STPG2: variants seen among roughly 807,000 people sequenced by gnomAD.
The protein encoded by STPG2 is sperm tail PG-rich repeat containing 2.
In STPG2, 56 loss-of-function variants were observed where a neutral mutation model predicts 54.2. The observed-to-expected ratio is 1.03, with a 90% CI of 0.83 to 1.29. The LOEUF (loss-of-function observed/expected upper bound fraction) is 1.29, where lower values mean the gene tolerates loss of function less well. STPG2 is among the 50% of genes most tolerant of loss of function. STPG2 has a pLI of 0.00. For synonymous variants in STPG2, 200 were observed against 181.8 expected (o/e 1.10, Z -0.81); for missense variants, 596 against 544.9 (o/e 1.09, Z -0.93).
chr4:97,743,977 G>C (rs925902268), intron 9 of STPG2, among the ~76,000 whole-genome samples: 8 of 151,294 alleles, frequency 5.3e-5, no homozygotes, highest in African/African-American at 1.9e-4. Context: ...GAATACAGAG[G>C]GAATGAAGAA....
At chr4:98,017,634 T>C (rs893399999) in intron 5 of STPG2, among the ~76,000 whole-genome samples, 1 of 152,186 alleles carries the variant, frequency 6.6e-6, no homozygotes, top group African/African-American at 2.4e-5. Context: ...CCTTAGCGCT[T>C]GTGAACATAT....
At chr4:97,680,402 G>T (rs570586812) in intron 10 of STPG2, among the ~76,000 whole-genome samples, 4 of 151,986 alleles carry the variant, frequency 2.6e-5, no homozygotes, top group Non-Finnish European at 5.9e-5. Context: ...GTGAATGGGA[G>T]TTCACTCATG....
chr4:97,636,336 A>G (rs1348504343), intron 10 of STPG2, among the ~76,000 whole-genome samples: 1 of 143,754 alleles, frequency 7.0e-6, no homozygotes, highest in African/African-American at 2.5e-5. Flanking sequence ...GGACACATTC[A>G]AAGCAGTGTG....
intron 9 of STPG2, among the ~76,000 whole-genome samples, chr4:97,799,061 T>C (rs1400853398): frequency 7.9e-6 from 1 of 126,106 alleles, no homozygotes; most frequent in Non-Finnish European, 1.6e-5. Context: ...TCCCTTTATT[T>C]TGAGCCTCTG....
intron 8 of STPG2, among the ~76,000 whole-genome samples, chr4:97,903,123 A>C (rs1201702914): frequency 6.6e-6 from 1 of 152,206 alleles, no homozygotes; most frequent in Non-Finnish European, 1.5e-5. Context: ...AAATGAATAT[A>C]TTCTGGACAC....
intron 4 of STPG2, among the ~76,000 whole-genome samples, chr4:97,511,826 C>G (rs185789899): frequency 6.6e-6 from 1 of 151,670 alleles, no homozygotes; most frequent in Admixed American, 6.6e-5. Context: ...TGTTTGTGAG[C>G]TGGTACGATT....
At chr4:97,919,578 A>C (rs1421348023) in intron 8 of STPG2, among the ~76,000 whole-genome samples, 2 of 152,076 alleles carry the variant, frequency 1.3e-5, no homozygotes, top group Non-Finnish European at 2.9e-5. Context: ...CAATTTGAAA[A>C]ATGGATATAT....
chr4:97,462,178 G>A (rs566464423), intron 4 of STPG2, among the ~76,000 whole-genome samples: 10 of 151,910 alleles, frequency 6.6e-5, no homozygotes, highest in African/African-American at 2.4e-4. Context: ...AGTTGAATGA[G>A]CACTGGTTAT....
chr4:97,514,271 G>A (rs534544624), intron 4 of STPG2, among the ~76,000 whole-genome samples: 118 of 152,178 alleles, frequency 7.8e-4, no homozygotes, highest in African/African-American at 2.8e-3. Context: ...GTAAGCAGCT[G>A]GAGAGATTAC....
At chr4:97,801,537 T>A (rs1727398967) in intron 9 of STPG2, among the ~76,000 whole-genome samples, 1 of 152,176 alleles carries the variant, frequency 6.6e-6, no homozygotes, top group Non-Finnish European at 1.5e-5. Flanking sequence ...CTATGGTGAG[T>A]ATGCAAACCA....
chr4:97,994,732 C>G (rs1735147832), intron 5 of STPG2, among the ~76,000 whole-genome samples: 1 of 152,032 alleles, frequency 6.6e-6, no homozygotes, highest in Non-Finnish European at 1.5e-5. Flanking sequence ...CTGTGAGGGT[C>G]CTTGATTGTA....
chr4:97,930,111 A>T (rs1219636678), intron 8 of STPG2, among the ~76,000 whole-genome samples: 1 of 151,954 alleles, frequency 6.6e-6, no homozygotes, highest in Non-Finnish European at 1.5e-5. Flanking sequence ...GTTGGCCAGG[A>T]TGGTCTCAAT....
At chr4:97,674,038 T>G (rs1421374975) in intron 10 of STPG2, among the ~76,000 whole-genome samples, 1 of 152,188 alleles carries the variant, frequency 6.6e-6, no homozygotes, top group Non-Finnish European at 1.5e-5. Context: ...CCTTCAAGTC[T>G]AGACTGAAAT....
intron 9 of STPG2, among the ~76,000 whole-genome samples, chr4:97,721,108 T>G (rs1341837807): frequency 6.6e-6 from 1 of 152,060 alleles, no homozygotes; most frequent in Non-Finnish European, 1.5e-5. Context: ...ATCTTTCAAC[T>G]GCAAGGAACA....
intron 9 of STPG2, among the ~76,000 whole-genome samples, chr4:97,831,341 T>C (rs1490823127): frequency 6.6e-6 from 1 of 151,894 alleles, no homozygotes; most frequent in African/African-American, 2.4e-5. Context: ...AAAAACACAA[T>C]GTAGTAGAAT....
chr4:97,862,396 C>G (rs1395019566), intron 8 of STPG2, among the ~76,000 whole-genome samples: 1 of 152,112 alleles, frequency 6.6e-6, no homozygotes, highest in African/African-American at 2.4e-5. Context: ...GAAGAACTAA[C>G]TATCTTAAAT....
chr4:97,896,919 A>C (rs1730976667), intron 8 of STPG2, among the ~76,000 whole-genome samples: 1 of 151,716 alleles, frequency 6.6e-6, no homozygotes, highest in South Asian at 2.1e-4. Context: ...TTTAACTTTT[A>C]TTTTAAGTTC....
intron 5 of STPG2, chr4:98,026,218 A>G: frequency 8.9e-7 from 1 of 1,123,282 alleles, no homozygotes; most frequent in Non-Finnish European, 1.3e-6. Flanking sequence ...GGGTAGCTCA[A>G]AAGAAAGCAA....
intron 9 of STPG2, among the ~76,000 whole-genome samples, chr4:97,743,888 T>A (rs1725343893): frequency 6.6e-6 from 1 of 151,436 alleles, no homozygotes; most frequent in South Asian, 2.1e-4. Flanking sequence ...GTGCAAGTAT[T>A]CATAGGTGAA....
Sources: gnomAD v4.1 joint callset for allele counts (sites outside exome capture counted in the v4.1 genomes callset) on GRCh38, gnomAD v4.1.1 for gene constraint, MANE v1.5 for transcripts, NCBI Gene and HGNC (gene_info 2026-07-23, HGNC 2026-07-21) for gene names.